TCN2: variants seen among roughly 807,000 people sequenced by gnomAD.
TCN2 encodes the protein transcobalamin 2.
Under a neutral mutation model 48.6 loss-of-function variants are expected in TCN2, and 34 were observed. The ratio of observed to expected loss-of-function variants is 0.70; its 90% CI spans 0.53 to 0.93. TCN2 has a LOEUF of 0.93. TCN2 is among the 40% of genes least tolerant of loss of function. The pLI, the probability that TCN2 is intolerant of heterozygous loss-of-function variation, is 0.00. For missense variants in TCN2, 652 were observed against 526.1 expected (o/e 1.24, Z -2.34); for synonymous variants, 283 against 212.5 (o/e 1.33, Z -2.89).
In TCN2 at chr22:30,609,111, A is replaced by G. The variant is rs2087497621; in HGVS notation, c.64+1716A>G. 2.0e-5 allele frequency among the ~76,000 whole-genome samples: 3 copies of G among 150,900 alleles called. No individual in the cohort carries two copies. The South Asian group carries it at 6.3e-4, about 32-fold the overall frequency. ...TGAAATTGACAGGGATCGCTGCACA[A>G]ACGCTAATGCAAAGTGGGCTCCTGT... On this transcript the variant is annotated intron_variant, in intron 1 of 8. Coordinates refer to ENST00000215838, the MANE Select transcript of TCN2 (RefSeq NM_000355.4).
chr22:30,624,074 A>T lies in TCN2; in HGVS notation c.1222+991A>T, dbSNP rs1460223451. 2.0e-5 allele frequency among the ~76,000 whole-genome samples: 2 copies of T among 102,198 alleles called. 1 individual carries two copies. Among genetic ancestry groups the T allele is most frequent in the African/African-American group, 9.2e-5 (2 of 21,628 alleles). The allele number at this position is 102,198 out of a possible 152,430, so 67.0% of individuals were successfully genotyped here. A position where few individuals can be genotyped will look rare whatever the true frequency, so the allele number is the denominator to read the frequency against. On this transcript the variant is annotated intron_variant, in intron 8 of 8. Transcript: ENST00000215838. ...CACACACACACACATATATATATAT[A>T]TATATATTTTTTTTTTTTGAGATGG...
chr22:30,620,366 A>G (rs917493294), intron 7 of TCN2, among the ~76,000 whole-genome samples: 2 of 152,246 alleles, frequency 1.3e-5, no homozygotes, highest in African/African-American at 4.8e-5. Context: ...TTAAATAGAA[A>G]AGTATAAAAA....
intron 7 of TCN2, among the ~76,000 whole-genome samples, chr22:30,620,234 T>C (rs2087678617): frequency 6.6e-6 from 1 of 152,132 alleles, no homozygotes; most frequent in African/African-American, 2.4e-5. Context: ...GGCAGATTAC[T>C]TGAGGCCAGG....
At chr22:30,614,019 CTCCTTGGAGAA>C (rs994098139) in intron 3 of TCN2, among the ~76,000 whole-genome samples, 60 of 152,318 alleles carry the variant, frequency 3.9e-4, no homozygotes, top group Middle Eastern at 3.4e-3. Context: ...CCAGCATTAC[CTCCTTGGAGAA>C]TCCTGCCTTG....
In TCN2 at chr22:30,623,821, C is replaced by CATT. The variant is rs1555896223; in HGVS notation, c.1222+740_1222+741insTAT. On this transcript the variant is annotated intron_variant, in intron 8 of 8. Transcript: ENST00000215838. ...ACACACATACACATATATACACACA[C>CATT]ATACACACACATATACACACACATA... Among the ~76,000 whole-genome samples, 4 of 30,626 alleles carry CATT rather than the reference C, an allele frequency of 1.3e-4. 2 individuals are homozygous for CATT. Among genetic ancestry groups the CATT allele is most frequent in the African/African-American group, 1.0e-3 (4 of 3,868 alleles). 20.1% of individuals were successfully genotyped at this position (30,626 alleles called of 152,430 possible).
At chr22:30,607,478 C>G (rs1335885802) in intron 1 of TCN2, 83 bp downstream of exon 1, 3 of 1,489,240 alleles carry the variant, frequency 2.0e-6, no homozygotes, top group Non-Finnish European at 2.8e-6. Context: ...GGGAACTTAC[C>G]TGCCCTTCTA....
intron 1 of TCN2, 49 bp downstream of exon 1, chr22:30,607,444 T>C: frequency 6.2e-7 from 1 of 1,608,984 alleles, no homozygotes; most frequent in South Asian, 1.1e-5. Flanking sequence ...GGGTCCTTAG[T>C]GGGGTGGCTA....
intron 6 of TCN2, 21 bp downstream of exon 6, chr22:30,615,808 A>G (rs1312100473): frequency 6.2e-7 from 1 of 1,614,028 alleles, no homozygotes; most frequent in African/African-American, 1.3e-5. Flanking sequence ...TTTTTGTGGA[A>G]GCACAGCCCT....
intron 1 of TCN2, among the ~76,000 whole-genome samples, chr22:30,607,619 C>T (rs2087472802): frequency 2.6e-5 from 4 of 152,176 alleles, no homozygotes; most frequent in Non-Finnish European, 4.4e-5. Context: ...ATTCATTCAG[C>T]GCATACTGAG....
chr22:30,626,703 G>C lies in TCN2; in HGVS notation c.*182G>C. ...GGGCCCTATACCATGGCCCACCTTGGAGCAGAGAGCCAAGCATCTTCCCTG... is the reference window on the plus strand; with the variant it reads ...GGGCCCTATACCATGGCCCACCTTGCAGCAGAGAGCCAAGCATCTTCCCTG... On this transcript the variant is annotated 3_prime_UTR_variant, in exon 9 of 9. Transcript: ENST00000215838. The C allele has an allele frequency of 1.5e-6, 1 of 681,236 alleles. No individual in the cohort carries two copies. The highest frequency in any genetic ancestry group is 1.7e-5 in the South Asian group (1 of 59,368). 42.2% of individuals were successfully genotyped at this position (681,236 alleles called of 1,614,324 possible). A position where few individuals can be genotyped will look rare whatever the true frequency, so the allele number is the denominator to read the frequency against.
At chr22:30,617,546 T>TA in intron 7 of TCN2, 51 bp downstream of exon 7, 3 of 1,612,534 alleles carry the variant, frequency 1.9e-6, no homozygotes, top group Non-Finnish European at 2.5e-6. Context: ...ACATGCCTGA[T>TA]AACAGGGTCA....
At chr22:30,618,110 G>A (rs1029549593) in intron 7 of TCN2, among the ~76,000 whole-genome samples, 6 of 124,328 alleles carry the variant, frequency 4.8e-5, no homozygotes, top group South Asian at 2.4e-4. Context: ...ACAACCCTGG[G>A]TAATTTTTTT....
intron 8 of TCN2, among the ~76,000 whole-genome samples, chr22:30,625,348 G>T (rs2087790029): frequency 6.6e-6 from 1 of 152,016 alleles, no homozygotes; most frequent in African/African-American, 2.4e-5. Flanking sequence ...TGCTGGCTGT[G>T]TTCTCACATG....
intron 7 of TCN2, among the ~76,000 whole-genome samples, chr22:30,620,257 G>T (rs1245781606): frequency 6.6e-6 from 1 of 152,162 alleles, no homozygotes; most frequent in Non-Finnish European, 1.5e-5. Context: ...TTCAAAACCA[G>T]CCGGGCCAAC....
intron 7 of TCN2, among the ~76,000 whole-genome samples, chr22:30,619,926 G>A (rs2087672562): frequency 6.6e-6 from 1 of 152,196 alleles, no homozygotes; most frequent in Admixed American, 6.5e-5. Context: ...GGCTGAGGCA[G>A]GAGGATCACT....
rs1569046912 is a variant in TCN2, at chr22:30,623,941, CACACACATATGTAT to C, written c.1222+862_1222+875del. Among the ~76,000 whole-genome samples, 103 of 90,630 alleles carry C rather than the reference CACACACATATGTAT, an allele frequency of 1.1e-3. 5 individuals are homozygous for C. Among genetic ancestry groups the C allele is most frequent in the South Asian group, 2.2e-3 (8 of 3,620 alleles). 59.5% of individuals were successfully genotyped at this position (90,630 alleles called of 152,430 possible). On this transcript the variant is annotated intron_variant, in intron 8 of 8. Transcript: ENST00000215838. The stretch of plus-strand genomic sequence containing the variant: ...ACATATATATGTATACATATATACA[CACACACATATGTAT>C]ACATATATACACACACATATATATG...
At chr22:30,610,651 G>A (rs991461789) in intron 1 of TCN2, among the ~76,000 whole-genome samples, 8 of 152,204 alleles carry the variant, frequency 5.3e-5, no homozygotes, top group Admixed American at 3.9e-4. Flanking sequence ...CACCTCTCTT[G>A]CTGGCTCACT....
At chr22:30,616,747 G>A (rs913500093) in intron 6 of TCN2, among the ~76,000 whole-genome samples, 1 of 152,186 alleles carries the variant, frequency 6.6e-6, no homozygotes, top group Non-Finnish European at 1.5e-5. Flanking sequence ...GTTGCAGTGA[G>A]CCGAGATCGC....
intron 7 of TCN2, among the ~76,000 whole-genome samples, chr22:30,621,473 T>G (rs76006745): frequency 8.4e-6 from 1 of 118,564 alleles, no homozygotes; most frequent in African/African-American, 3.0e-5. Context: ...ATTTGTTGTT[T>G]TTTGTTTGTT....
Sources: allele counts gnomAD v4.1 joint callset (sites outside exome capture counted in the v4.1 genomes callset), GRCh38; gene constraint gnomAD v4.1.1; transcripts MANE v1.5; gene names NCBI Gene and HGNC (gene_info 2026-07-23, HGNC 2026-07-21).